LDLRAD4: variants seen among roughly 807,000 people sequenced by gnomAD.
The protein encoded by LDLRAD4 is low-density lipoprotein receptor class A domain-containing protein 4.
In LDLRAD4, 5 loss-of-function variants were observed where a neutral mutation model predicts 17.0. The observed-to-expected ratio is 0.29, with a 90% confidence interval of 0.15 to 0.62. The LOEUF is 0.62. LDLRAD4 is among the 20% of genes least tolerant of loss of function. LDLRAD4 has a pLI of 0.84. For synonymous variants in LDLRAD4, 168 were observed against 171.8 expected, an observed-to-expected ratio of 0.98 and a Z score of 0.17; for missense variants, 340 against 424.7, an observed-to-expected ratio of 0.80 and a Z score of 1.75.
intron 1 of LDLRAD4, among the ~76,000 whole-genome samples, chr18:13,379,918 A>G (rs1202305520): frequency 6.6e-6 from 1 of 152,092 alleles, no homozygotes; most frequent in African/African-American, 2.4e-5. Context: ...TTATCTGAAG[A>G]AAGCTGGAGT....
At chr18:13,601,655 A>AT (rs1439567355) in intron 3 of LDLRAD4, among the ~76,000 whole-genome samples, 1 of 148,888 alleles carries the variant, frequency 6.7e-6, no homozygotes, top group Non-Finnish European at 1.5e-5. Context: ...CTCTGTCTGA[A>AT]AAAAAAAAAA....
At chr18:13,285,418 C>T (rs886469822) in intron 1 of LDLRAD4, among the ~76,000 whole-genome samples, 17 of 152,176 alleles carry the variant, frequency 1.1e-4, no homozygotes, top group Admixed American at 1.1e-3. Context: ...CGAGGACAGT[C>T]AGGGGACAGG....
Position 13,267,878 on chromosome 18 carries a change from T to C in LDLRAD4, c.-466-10227T>C, listed in dbSNP as rs1204660700. 2.0e-5 allele frequency among the ~76,000 whole-genome samples: 3 copies of C among 152,196 alleles called. No individual in the cohort carries two copies. The East Asian group carries it at 5.8e-4, about 29-fold the overall frequency. ...ACTTAAGGTAACATGGGCAGACCAA[T>C]GCATTGTTTCTTTTTCTTTTAAAAC... is the stretch of plus-strand genomic sequence containing the variant. On this transcript the variant is annotated intron_variant, in intron 1 of 5. Coordinates refer to the LDLRAD4 transcript ENST00000399848.
chr18:13,415,041 G>A (rs74335262), intron 2 of LDLRAD4, among the ~76,000 whole-genome samples: 2,965 of 152,298 alleles, frequency 0.019, 101 homozygotes, highest in African/African-American at 0.069. Flanking sequence ...GTTTTTCCAA[G>A]AAGTTTTATA....
intron 1 of LDLRAD4, among the ~76,000 whole-genome samples, chr18:13,249,088 T>C (rs2043108241): frequency 6.6e-6 from 1 of 152,220 alleles, no homozygotes; most frequent in African/African-American, 2.4e-5. Context: ...GCTTTTCATT[T>C]TGTATGGCTG....
chr18:13,494,458 T>A (rs2093418879), intron 3 of LDLRAD4, among the ~76,000 whole-genome samples: 1 of 151,558 alleles, frequency 6.6e-6, no homozygotes. Flanking sequence ...CTGAGTTTCA[T>A]AAAACAAGTC....
intron 1 of LDLRAD4, among the ~76,000 whole-genome samples, chr18:13,226,180 C>CTTTTCTTTTTTTTT (rs2041782443): frequency 1.9e-5 from 1 of 52,188 alleles, no homozygotes; most frequent in Admixed American, 3.6e-4. Flanking sequence ...CCATGCCTTG[C>CTTTTCTTTTTTTTT]TTTTTTTTTT....
intron 2 of LDLRAD4, among the ~76,000 whole-genome samples, chr18:13,416,618 T>G (rs1164927561): frequency 2.0e-5 from 3 of 152,238 alleles, no homozygotes; most frequent in Non-Finnish European, 4.4e-5. Flanking sequence ...TGCTGGCACC[T>G]TAAAACATTT....
chr18:13,302,314 G>C (rs1358208801), intron 1 of LDLRAD4, among the ~76,000 whole-genome samples: 1 of 152,230 alleles, frequency 6.6e-6, no homozygotes, highest in Non-Finnish European at 1.5e-5. Context: ...TCTGTAGCCA[G>C]AGTTTGCCAA....
chr18:13,377,443 C>T (rs539899609), intron 1 of LDLRAD4, among the ~76,000 whole-genome samples: 3 of 152,236 alleles, frequency 2.0e-5, no homozygotes, highest in Admixed American at 2.0e-4. Context: ...GATGAGTGCC[C>T]GTGCCTTCTC....
At chr18:13,293,844 C>T (rs1157212847) in intron 1 of LDLRAD4, among the ~76,000 whole-genome samples, 3 of 152,168 alleles carry the variant, frequency 2.0e-5, no homozygotes, top group East Asian at 1.9e-4. Context: ...TCTAAAAATG[C>T]GGCTTTCCCC....
chr18:13,491,205 T>C (rs1259649659), intron 3 of LDLRAD4: 1 of 152,252 alleles, frequency 6.6e-6, no homozygotes. Context: ...GATTTGTTAA[T>C]GATTTACTTT....
intron 3 of LDLRAD4, among the ~76,000 whole-genome samples, chr18:13,528,604 C>T (rs938401849): frequency 2.0e-5 from 3 of 152,334 alleles, no homozygotes; most frequent in Admixed American, 6.5e-5. Flanking sequence ...TGAGCCACCA[C>T]GCCCAGCCCA....
chr18:13,316,895 A>G (rs1383025914), intron 1 of LDLRAD4, among the ~76,000 whole-genome samples: 5 of 152,234 alleles, frequency 3.3e-5, no homozygotes, highest in African/African-American at 9.6e-5. Flanking sequence ...GATAAATAGA[A>G]AACAGATAGC....
At chr18:13,436,956 A>G (rs1284708696) in intron 2 of LDLRAD4, among the ~76,000 whole-genome samples, 2 of 152,386 alleles carry the variant, frequency 1.3e-5, no homozygotes, top group Middle Eastern at 3.4e-3. Flanking sequence ...CAGGTTCACA[A>G]AAATACTTTG....
intron 3 of LDLRAD4, among the ~76,000 whole-genome samples, chr18:13,506,776 T>C (rs2093700777): frequency 6.6e-6 from 1 of 152,204 alleles, no homozygotes; most frequent in Admixed American, 6.5e-5. Flanking sequence ...ATGCAGCTGG[T>C]GACTTTAAAT....
At chr18:13,567,588 A>G (rs1568349877) in intron 3 of LDLRAD4, among the ~76,000 whole-genome samples, 1 of 152,216 alleles carries the variant, frequency 6.6e-6, no homozygotes, top group Non-Finnish European at 1.5e-5. Context: ...ATCTGAGACT[A>G]TTAGCACAAA....
At chr18:13,419,292 A>G (rs867791723) in intron 2 of LDLRAD4, 3 of 152,368 alleles carry the variant, frequency 2.0e-5, no homozygotes, top group Admixed American at 6.5e-5. Context: ...ATTGTGCCAT[A>G]TAAATGATCA....
chr18:13,350,514 T>A (rs1461240900), intron 1 of LDLRAD4, among the ~76,000 whole-genome samples: 3 of 152,238 alleles, frequency 2.0e-5, no homozygotes, highest in African/African-American at 7.2e-5. Flanking sequence ...TACATTTGTT[T>A]AAGTTCCTTG....
Sources: gnomAD v4.1 joint callset for allele counts (sites outside exome capture counted in the v4.1 genomes callset) on GRCh38, gnomAD v4.1.1 for gene constraint, MANE v1.5 for transcripts, NCBI Gene and HGNC (gene_info 2026-07-23, HGNC 2026-07-21) for gene names.